Variants in PIP5K1A observed in about 807,000 individuals in gnomAD.
The protein encoded by PIP5K1A is phosphatidylinositol-4-phosphate 5-kinase type 1 alpha.
PIP5K1A carries 46 observed loss-of-function variants against 72.9 expected under a neutral mutation model. The observed-to-expected ratio is 0.63, with a 90% CI of 0.50 to 0.81. PIP5K1A has a LOEUF of 0.81. PIP5K1A is among the 30% of genes least tolerant of loss of function. The pLI is 0.00. For missense variants in PIP5K1A, 458 were observed against 706.1 expected, an observed-to-expected ratio of 0.65 and a Z score of 3.98; for synonymous variants, 228 against 255.1, an observed-to-expected ratio of 0.89 and a Z score of 1.01.
chr1:151,205,717 G>A (rs1297889600), intron 1 of PIP5K1A, among the ~76,000 whole-genome samples: 1 of 152,050 alleles, frequency 6.6e-6, no homozygotes, highest in African/African-American at 2.4e-5. Flanking sequence ...AGAATCACTT[G>A]AACCCAGGAG....
chr1:151,233,007 G>C (rs930123611), intron 7 of PIP5K1A, among the ~76,000 whole-genome samples: 1 of 151,518 alleles, frequency 6.6e-6, no homozygotes, highest in Non-Finnish European at 1.5e-5. Flanking sequence ...GGCTGAGACA[G>C]GAGAATGGCG....
In PIP5K1A at chr1:151,242,220, C is replaced by G; in HGVS notation, c.1461C>G (p.Val487=). The stretch of plus-strand genomic sequence containing the variant: ...CCTGCATTACTTACCAGCCATCGGT[C>G]TCTGGGGAACACAAGGCACAAGTGA... The part of the protein sequence containing the change: ...GNSCITYQPS[V]SGEHKAQVTT... Residue 487 remains valine, a synonymous_variant, in exon 13 of 16, where the codon GTC becomes GTG. Transcript: ENST00000368888. The G allele has an allele frequency of 6.2e-7, 1 of 1,614,130 alleles. No homozygotes were observed. The highest frequency in any genetic ancestry group is 8.5e-7 in the Non-Finnish European group (1 of 1,180,006).
At chr1:151,244,890 C>T (rs1013027459) in intron 14 of PIP5K1A, among the ~76,000 whole-genome samples, 1 of 151,158 alleles carries the variant, frequency 6.6e-6, no homozygotes, top group Admixed American at 6.6e-5. Context: ...CATCTTTAGA[C>T]CACATTTTCT....
At chr1:151,231,531 G>C in intron 4 of PIP5K1A, 140 bp from the exon 5 acceptor site, 1 of 697,344 alleles carries the variant, frequency 1.4e-6, no homozygotes, top group Non-Finnish European at 2.5e-6. Flanking sequence ...AAACTGGATT[G>C]TCCCAGTTTT....
chr1:151,202,578 G>T (rs183098808), intron 1 of PIP5K1A, among the ~76,000 whole-genome samples: 3 of 147,548 alleles, frequency 2.0e-5, no homozygotes, highest in African/African-American at 2.5e-5. Context: ...GTTCAAGCGA[G>T]TTGCCTGCTC....
In PIP5K1A at chr1:151,234,347, A is replaced by G. The variant is rs1690549909; in HGVS notation, c.790A>G (p.Thr264Ala). The G allele has an allele frequency of 1.2e-6, 2 of 1,614,020 alleles. No individual in the cohort carries two copies. The highest frequency in any genetic ancestry group is 1.7e-6 in the Non-Finnish European group (2 of 1,180,006). ...TATCAAATATGACCTCAAAGGCTCA[A>G]CCTACAAACGGCGGGCTTCCCAGAA... ...MHIKYDLKGS[T>A]YKRRASQKER... The change falls in exon 8 of 16, where the codon ACC becomes GCC. Residue 264 changes from threonine to alanine, a missense_variant. This residue lies in a region of PIP5K1A where 220 missense variants were observed against 442.6 expected (regional missense o/e 0.50). Transcript: ENST00000368888.
intron 4 of PIP5K1A, among the ~76,000 whole-genome samples, chr1:151,227,793 C>T (rs148839803): frequency 6.6e-6 from 1 of 151,842 alleles, no homozygotes; most frequent in African/African-American, 2.4e-5. Flanking sequence ...TGTTGAGGCA[C>T]GAGAATCGCT....
At chr1:151,204,979 A>T (rs1685735393) in intron 1 of PIP5K1A, among the ~76,000 whole-genome samples, 1 of 152,150 alleles carries the variant, frequency 6.6e-6, no homozygotes, top group African/African-American at 2.4e-5. Flanking sequence ...AACTCTTCTG[A>T]TTAATACCTT....
chr1:151,233,297 T>C (rs1297373239), intron 7 of PIP5K1A: 1 of 151,940 alleles, frequency 6.6e-6, no homozygotes, highest in Admixed American at 6.6e-5. Context: ...CTAATTTTTA[T>C]AAACTTATTT....
chr1:151,203,813 A>G lies in PIP5K1A; in HGVS notation c.85+4732A>G, dbSNP rs587731892. ...TACTCCATCCTGGAGACAGAGTGAG[A>G]CTCTGTCTCAAAAAAAAAAAAAAGA... On this transcript the variant is annotated intron_variant, in intron 1 of 15. Transcript: ENST00000368888. 1.1e-4 allele frequency among the ~76,000 whole-genome samples: 16 copies of G among 149,520 alleles called. No homozygotes were observed. In the East Asian group the frequency reaches 1.6e-3, roughly 15 times the overall value.
Position 151,234,182 on chromosome 1 carries a change from CT to C in PIP5K1A, c.640-11del, listed in dbSNP as rs752789176. On this transcript the variant is annotated splice_polypyrimidine_tract_variant and intron_variant, in intron 7 of 15. Transcript: ENST00000368888. ...TAAGTTGTTCTCCTACTTCTGTTTC[CT>C]TTTGTGTTCTCAGAACCTCAACCAG... 6.4e-7 allele frequency: 1 copy of C among 1,572,990 alleles called. No homozygotes were observed. The highest frequency in any genetic ancestry group is 1.2e-5 in the South Asian group (1 of 84,660).
chr1:151,203,798 T>C (rs1398411787), intron 1 of PIP5K1A, among the ~76,000 whole-genome samples: 1 of 148,458 alleles, frequency 6.7e-6, no homozygotes, highest in African/African-American at 2.5e-5. Context: ...TACTCCATCC[T>C]GGAGACAGAG....
At position 151,249,004 on chromosome 1, in the gene PIP5K1A, CCT is replaced by C. The variant is rs770521625; in HGVS notation, c.*1140_*1141del. 2.6e-5 allele frequency: 4 copies of C among 152,332 alleles called. No individual in the cohort carries two copies. The South Asian group carries it at 6.2e-4, about 24-fold the overall frequency. 9.4% of individuals were successfully genotyped at this position (152,332 alleles called of 1,614,324 possible). A position where few individuals can be genotyped will look rare whatever the true frequency, so the allele number is the denominator to read the frequency against. ...ATTGCTGTGCCATATGTCCTACCCC[CCT>C]GTCTTCATGCAGGGAAGTTGGAAAT... On this transcript the variant is annotated 3_prime_UTR_variant, in exon 16 of 16. Transcript: ENST00000368888.
chr1:151,205,828 T>C (rs978875272), intron 1 of PIP5K1A, among the ~76,000 whole-genome samples: 20 of 152,024 alleles, frequency 1.3e-4, no homozygotes, highest in African/African-American at 2.4e-4. Context: ...AGAAAACTTA[T>C]CAGTTTATTT....
chr1:151,201,184 C>T (rs1025256931), intron 1 of PIP5K1A, among the ~76,000 whole-genome samples: 6 of 152,098 alleles, frequency 3.9e-5, no homozygotes, highest in Admixed American at 6.6e-5. Context: ...CCTGCTTCCC[C>T]TCTAATCCCC....
chr1:151,229,219 C>T (rs1689660998), intron 4 of PIP5K1A, among the ~76,000 whole-genome samples: 1 of 144,342 alleles, frequency 6.9e-6, no homozygotes, highest in South Asian at 2.2e-4. Context: ...TAGGATCTTG[C>T]TCTGTTGCCC....
At chr1:151,217,473 TCTC>T (rs994202698) in intron 1 of PIP5K1A, among the ~76,000 whole-genome samples, 7 of 152,324 alleles carry the variant, frequency 4.6e-5, no homozygotes, top group South Asian at 2.1e-4. Context: ...GAAGGAAACT[TCTC>T]CTTCTGACTT....
chr1:151,220,212 G>A (rs587766731), intron 1 of PIP5K1A, among the ~76,000 whole-genome samples: 6 of 151,706 alleles, frequency 4.0e-5, no homozygotes, highest in African/African-American at 7.3e-5. Flanking sequence ...CACCTTGCTA[G>A]CCAGGATGAT....
At chr1:151,202,940 T>G (rs994716982) in intron 1 of PIP5K1A, among the ~76,000 whole-genome samples, 7 of 151,880 alleles carry the variant, frequency 4.6e-5, no homozygotes, top group Admixed American at 4.6e-4. Flanking sequence ...TGGCTAATTT[T>G]TGTATTTTAG....
Sources: allele counts gnomAD v4.1 joint callset (sites outside exome capture counted in the v4.1 genomes callset), GRCh38; gene constraint gnomAD v4.1.1; regional missense constraint gnomAD v4.1.1; transcripts MANE v1.5; gene names NCBI Gene and HGNC (gene_info 2026-07-23, HGNC 2026-07-21).